The following KIF24 variants were observed in gnomAD, a reference collection of about 807,000 sequenced individuals.
KIF24 encodes the protein kinesin-like protein KIF24.
Under a neutral mutation model 118.9 loss-of-function variants are expected in KIF24, and 81 were observed. The ratio of observed to expected loss-of-function variants is 0.68; its 90% CI spans 0.57 to 0.82. The LOEUF (loss-of-function observed/expected upper bound fraction) is 0.82. Among genes scored for constraint, KIF24 ranks in the 40% least tolerant of loss-of-function variants. The pLI is 0.00. For missense variants in KIF24, 1,560 were observed against 1,661.6 expected, an observed-to-expected ratio of 0.94 and a Z score of 1.06; for synonymous variants, 599 against 610.0, an observed-to-expected ratio of 0.98 and a Z score of 0.27.
intron 9 of KIF24, among the ~76,000 whole-genome samples, 156 bp from the exon 10 acceptor site, chr9:34,259,861 C>T (rs905854566): frequency 2.6e-5 from 4 of 152,076 alleles, no homozygotes; most frequent in Admixed American, 6.6e-5. Flanking sequence ...CCAATAAACA[C>T]AGAAAAAGGT....
Position 34,271,961 on chromosome 9 carries a change from C to T in KIF24, c.1216-31G>A, listed in dbSNP as rs760402029. On this transcript the variant is annotated intron_variant, in intron 6 of 12. Transcript: ENST00000402558. ...AATAAAATCCACAGGATGACTTCCC[C>T]AAGGAGTAAACAAAAGCCTCTGGCT... The T allele has an allele frequency of 1.9e-6, 3 of 1,557,920 alleles. No individual in the cohort carries two copies. The South Asian group carries it at 3.6e-5, about 19-fold the overall frequency.
At chr9:34,290,438 A>C (rs1587943316) in intron 4 of KIF24, 49 bp from the exon 5 acceptor site, 3 of 1,188,424 alleles carry the variant, frequency 2.5e-6, no homozygotes, top group Non-Finnish European at 3.6e-6. Flanking sequence ...GAGAAGTATT[A>C]GTTTACCCAT....
rs1837392209 is a variant in KIF24 at position 34,318,286 on chromosome 9, G to A, written c.-25-6915C>T. The stretch of plus-strand genomic sequence containing the variant: ...AAATAGGCTATAGAAGAGTAGAATC[G>A]TGTCGCGGCTCGAGAGCGAGACTCC... On this transcript the variant is annotated intron_variant, in intron 1 of 12. Coordinates refer to ENST00000402558, the MANE Select transcript of KIF24 (RefSeq NM_194313.4). The surrounding 1 kb of genome is among the most constrained non-coding windows in gnomAD (Gnocchi z 4.9). The A allele has an allele frequency of 1.0e-5, 6 of 572,186 alleles. No homozygotes were observed. The highest frequency in any genetic ancestry group is 6.0e-5 in the East Asian group (2 of 33,420). 35.4% of individuals were successfully genotyped at this position (572,186 alleles called of 1,614,324 possible). A position where few individuals can be genotyped will look rare whatever the true frequency, so the allele number is the denominator to read the frequency against.
At chr9:34,277,522 C>T (rs767759798) in intron 6 of KIF24, among the ~76,000 whole-genome samples, 8 of 152,102 alleles carry the variant, frequency 5.3e-5, no homozygotes, top group Non-Finnish European at 8.8e-5. Context: ...TGTGGTTCTT[C>T]CTCAAGAGTG....
intron 4 of KIF24, among the ~76,000 whole-genome samples, chr9:34,290,922 C>T (rs1836232997): frequency 6.6e-6 from 1 of 152,010 alleles, no homozygotes; most frequent in Non-Finnish European, 1.5e-5. Flanking sequence ...TAGTAATTTT[C>T]TTACAGAACC....
In KIF24 at chr9:34,256,830, G is replaced by A; in HGVS notation, c.2777C>T (p.Ser926Phe). Residue 926 changes from serine (S) to phenylalanine (F), a missense_variant, in exon 11 of 13, where the codon TCC (serine) becomes TTC (phenylalanine). Transcript: ENST00000402558. The part of the protein sequence containing the change: ...PVDWSRENST[S>F]SGPSPRDSLA... ...GCTGTCTCTGGGAGAAGGCCCTGAG[G>A]AAGTAGAGTTCTCTCTGCTCCAGTC... The A allele has an allele frequency of 6.2e-7, 1 of 1,613,990 alleles. No individual in the cohort carries two copies. Among genetic ancestry groups the A allele is most frequent in the Non-Finnish European group, 8.5e-7 (1 of 1,179,898 alleles).
chr9:34,272,056 C>T, intron 6 of KIF24, 126 bp from the exon 7 acceptor site: 1 of 760,162 alleles, frequency 1.3e-6, no homozygotes, highest in Non-Finnish European at 2.0e-6. Context: ...TTTTTTCTGT[C>T]CAGGTGGAAA....
At chr9:34,279,704 C>A (rs1420093816) in intron 6 of KIF24, among the ~76,000 whole-genome samples, 1 of 152,266 alleles carries the variant, frequency 6.6e-6, no homozygotes, top group Non-Finnish European at 1.5e-5. Flanking sequence ...CAAGATGACA[C>A]TTGAGCAAAC....
chr9:34,275,850 T>C (rs1179751253), intron 6 of KIF24, among the ~76,000 whole-genome samples: 1 of 151,310 alleles, frequency 6.6e-6, no homozygotes, highest in African/African-American at 2.4e-5. Context: ...AAAAAAAAAT[T>C]ATTTGATAGA....
Position 34,259,614 on chromosome 9 carries a change from G to A in KIF24, c.1607C>T (p.Thr536Ile), listed in dbSNP as rs1304257247. The change falls in exon 10 of 13, where the codon ACC becomes ATC. Residue 536 changes from threonine to isoleucine, a missense_variant. Coordinates refer to ENST00000402558, the MANE Select transcript of KIF24 (RefSeq NM_194313.4). ...SHVATEHTLN[T>I]LRYADRVKEL... ...GACTTACCGGTCAGCATAGCGCAAG[G>A]TGTTGAGAGTGTGTTCAGTGGCCAC... The A allele has an allele frequency of 2.5e-6, 4 of 1,613,704 alleles. No individual in the cohort carries two copies. The highest frequency in any genetic ancestry group is 3.4e-6 in the Non-Finnish European group (4 of 1,179,740).
In KIF24 at chr9:34,318,573, C is replaced by T. The variant is rs1837406038; in HGVS notation, c.-25-7202G>A. The T allele has an allele frequency of 1.6e-6, 2 of 1,283,550 alleles. No individual in the cohort carries two copies. The highest frequency in any genetic ancestry group is 2.2e-6 in the Non-Finnish European group (2 of 897,248). The allele number at this position is 1,283,550 out of a possible 1,614,324, so 79.5% of individuals were successfully genotyped here. A position where few individuals can be genotyped will look rare whatever the true frequency, so the allele number is the denominator to read the frequency against. On this transcript the variant is annotated intron_variant, in intron 1 of 12. Coordinates refer to ENST00000402558, the MANE Select transcript of KIF24 (RefSeq NM_194313.4). This position sits in a 1 kb window ranked among gnomAD's most constrained non-coding sequence, Gnocchi z 4.9. ...GGCCTGGCCTTCAGCCTGTACCAGGCCATGGCCAAGGACCAGGCGGTGGAG... is the reference window on the plus strand; with the variant it reads ...GGCCTGGCCTTCAGCCTGTACCAGGTCATGGCCAAGGACCAGGCGGTGGAG...
Position 34,319,283 on chromosome 9 carries a change from T to C in KIF24, c.-25-7912A>G, listed in dbSNP as rs532858310. ...ACCAAAGAGCAGCTGAAGATCTGGA[T>C]GGGGAAGAAGCAGAAGCCTGTCGCC... On this transcript the variant is annotated intron_variant, in intron 1 of 12. Coordinates refer to ENST00000402558, the MANE Select transcript of KIF24 (RefSeq NM_194313.4). 2.4e-5 allele frequency: 26 copies of C among 1,094,122 alleles called. No homozygotes were observed. The African/African-American group carries it at 4.0e-4, about 17-fold the overall frequency. 67.8% of individuals were successfully genotyped at this position (1,094,122 alleles called of 1,614,324 possible).
At chr9:34,316,848 G>C (rs1204476814) in intron 1 of KIF24, among the ~76,000 whole-genome samples, 1 of 151,896 alleles carries the variant, frequency 6.6e-6, no homozygotes, top group Non-Finnish European at 1.5e-5. Context: ...GAGGCGAGTG[G>C]ATCACAAGGT....
chr9:34,302,544 T>C (rs891081523), intron 3 of KIF24, among the ~76,000 whole-genome samples: 1 of 151,304 alleles, frequency 6.6e-6, no homozygotes, highest in Non-Finnish European at 1.5e-5. Flanking sequence ...CAGCTCACTG[T>C]GAACTCTAAC....
intron 1 of KIF24, among the ~76,000 whole-genome samples, chr9:34,324,661 T>C (rs1837621257): frequency 6.6e-6 from 1 of 152,092 alleles, no homozygotes; most frequent in South Asian, 2.1e-4. Context: ...CCTTCAATGG[T>C]ATCTTATCAT....
intron 7 of KIF24, 28 bp downstream of exon 7, chr9:34,271,779 CAA>C (rs1835518073): frequency 3.3e-5 from 53 of 1,609,426 alleles, no homozygotes; most frequent in Non-Finnish European, 4.2e-5. Flanking sequence ...GAAAGGCAGA[CAA>C]TGTAACTCCC....
At chr9:34,328,932 G>A (rs919867211) in intron 1 of KIF24, among the ~76,000 whole-genome samples, 174 bp downstream of exon 1, 4 of 152,222 alleles carry the variant, frequency 2.6e-5, no homozygotes, top group Non-Finnish European at 5.9e-5. Flanking sequence ...GGGGATGAAA[G>A]ATAGGAAAGT....
intron 3 of KIF24, among the ~76,000 whole-genome samples, chr9:34,305,284 A>G (rs1254167202): frequency 1.3e-5 from 2 of 152,230 alleles, no homozygotes; most frequent in East Asian, 3.8e-4. Context: ...CTTATATGTT[A>G]GATGTGAAAT....
intron 5 of KIF24, among the ~76,000 whole-genome samples, chr9:34,288,141 C>T (rs1317599604): frequency 6.6e-6 from 1 of 152,060 alleles, no homozygotes; most frequent in Non-Finnish European, 1.5e-5. Context: ...ACTGAACATA[C>T]ATACTTTTGT....
Sources: allele counts gnomAD v4.1 joint callset (sites outside exome capture counted in the v4.1 genomes callset), GRCh38; gene constraint gnomAD v4.1.1; non-coding constraint Gnocchi (gnomAD v3.1); transcripts MANE v1.5; gene names NCBI Gene and HGNC (gene_info 2026-07-23, HGNC 2026-07-21).